BAZ2B: variants seen among roughly 807,000 people sequenced by gnomAD.
The protein encoded by BAZ2B is bromodomain adjacent to zinc finger domain 2B, also known as bromodomain adjacent to zinc finger domain protein 2B.
BAZ2B carries 91 observed loss-of-function variants against 246.0 expected under a neutral mutation model. That is an observed-to-expected ratio of 0.37 (90% CI 0.31 to 0.44). BAZ2B has a LOEUF of 0.44. Among genes scored for constraint, BAZ2B ranks in the 20% least tolerant of loss-of-function variants. The probability of loss-of-function intolerance (pLI) is 1.00; values close to 1 mark genes in which losing one functional copy is unlikely to be tolerated. For missense variants in BAZ2B, 2,332 were observed against 2,533.7 expected (o/e 0.92, Z 1.71); for synonymous variants, 855 against 860.0 (o/e 0.99, Z 0.10).
chr2:159,328,535 T>C (rs1440758370), intron 34 of BAZ2B, among the ~76,000 whole-genome samples: 1 of 152,182 alleles, frequency 6.6e-6, no homozygotes, highest in Non-Finnish European at 1.5e-5. Context: ...CCTTGAAATA[T>C]TAGTGGGTTC....
chr2:159,632,828 GA>G, the BAZ2B span, among the ~76,000 whole-genome samples: 42 of 152,274 alleles, frequency 2.8e-4, no homozygotes, highest in African/African-American at 8.7e-4. Context: ...CATCACTGAT[GA>G]AAAAGTAAAG....
chr2:159,608,165 A>G (rs1242321579), intron 1 of BAZ2B, among the ~76,000 whole-genome samples: 1 of 152,202 alleles, frequency 6.6e-6, no homozygotes, highest in East Asian at 1.9e-4. Flanking sequence ...GTTTGAGTCC[A>G]GGAGTTCAAG....
At chr2:159,510,770 T>G (rs939395822) in intron 2 of BAZ2B, among the ~76,000 whole-genome samples, 1 of 152,214 alleles carries the variant, frequency 6.6e-6, no homozygotes, top group Admixed American at 6.5e-5. Context: ...CTTCAGTGCT[T>G]GAAGATACTG....
At chr2:159,662,156 G>A in the BAZ2B span, among the ~76,000 whole-genome samples, 3 of 152,162 alleles carry the variant, frequency 2.0e-5, no homozygotes, top group African/African-American at 7.2e-5. Flanking sequence ...CATCTGCACT[G>A]TAGCATGCAC....
At chr2:159,337,124 G>A (rs369750269) in intron 32 of BAZ2B, 47 bp from the exon 33 acceptor site, 4 of 1,556,356 alleles carry the variant, frequency 2.6e-6, no homozygotes, top group Non-Finnish European at 2.6e-6. Context: ...CCACACTTAC[G>A]ATTACGGAAT....
At chr2:159,339,807 A>G (rs2066313236) in intron 31 of BAZ2B, among the ~76,000 whole-genome samples, 1 of 152,146 alleles carries the variant, frequency 6.6e-6, no homozygotes, top group African/African-American at 2.4e-5. Flanking sequence ...TGGGTGAAAT[A>G]AGCCAGATAC....
the BAZ2B span, among the ~76,000 whole-genome samples, chr2:159,659,579 C>T: frequency 1.3e-5 from 2 of 152,180 alleles, no homozygotes; most frequent in Non-Finnish European, 2.9e-5. Flanking sequence ...TTTTTATTCT[C>T]CACTTCTGAG....
chr2:159,556,149 A>G (rs1186071417), intron 1 of BAZ2B, among the ~76,000 whole-genome samples: 5 of 152,212 alleles, frequency 3.3e-5, no homozygotes, highest in African/African-American at 4.8e-5. Flanking sequence ...GCTGTAGGAC[A>G]TTTGGGTTAC....
In BAZ2B at chr2:159,594,703, C is replaced by A. The variant is rs190577992; in HGVS notation, c.-46+21539G>T. Among the ~76,000 whole-genome samples the A allele has an allele frequency of 4.4e-4, 67 of 151,748 alleles. No individual in the cohort carries two copies. The East Asian group carries it at 9.7e-3, about 22-fold the overall frequency. On this transcript the variant is annotated intron_variant, in intron 1 of 36. Coordinates refer to ENST00000392783, the MANE Select transcript of BAZ2B (RefSeq NM_013450.4). ...ATGGAGTGCAGTGGCGTGATTATGGCTTGCTGCAGCCTCCGCCTCACAGGC... is the reference window on the plus strand; with the variant it reads ...ATGGAGTGCAGTGGCGTGATTATGGATTGCTGCAGCCTCCGCCTCACAGGC...
intron 23 of BAZ2B, among the ~76,000 whole-genome samples, chr2:159,384,192 CTTCT>C: frequency 1.3e-5 from 2 of 152,028 alleles, no homozygotes; most frequent in Non-Finnish European, 2.9e-5. Context: ...TGCTTTTTCC[CTTCT>C]AAGGCAAAAA....
At chr2:159,504,740 G>C (rs1225636656) in intron 2 of BAZ2B, among the ~76,000 whole-genome samples, 1 of 152,038 alleles carries the variant, frequency 6.6e-6, no homozygotes, top group Non-Finnish European at 1.5e-5. Context: ...GACATATATT[G>C]GAATCTCATA....
intron 13 of BAZ2B, among the ~76,000 whole-genome samples, chr2:159,427,289 G>A (rs188923930): frequency 6.6e-5 from 10 of 152,180 alleles, no homozygotes; most frequent in Non-Finnish European, 1.5e-4. Context: ...AAAACATACA[G>A]GAAATGAGAT....
intron 13 of BAZ2B, among the ~76,000 whole-genome samples, chr2:159,416,145 G>A (rs1023141040): frequency 6.6e-5 from 10 of 152,008 alleles, no homozygotes; most frequent in African/African-American, 1.4e-4. Flanking sequence ...AGAAAAGACC[G>A]TCAGAAAAAA....
At chr2:159,316,419 G>A (rs1360971301), downstream of BAZ2B, among the ~76,000 whole-genome samples, 15 of 152,144 alleles carry the variant, frequency 9.9e-5, no homozygotes, top group African/African-American at 3.4e-4. Flanking sequence ...TTGGCCGGGC[G>A]CGGTGGCTCA....
intron 2 of BAZ2B, among the ~76,000 whole-genome samples, chr2:159,490,310 A>G (rs1171935334): frequency 6.6e-6 from 1 of 152,182 alleles, no homozygotes; most frequent in African/African-American, 2.4e-5. Flanking sequence ...AAATGGTCCA[A>G]TTATTTTAAA....
chr2:159,655,420 A>G, the BAZ2B span, among the ~76,000 whole-genome samples: 1 of 152,018 alleles, frequency 6.6e-6, no homozygotes, highest in East Asian at 1.9e-4. Context: ...AAAACAGCTG[A>G]TTTTTCTTGC....
chr2:159,686,208 T>C, the BAZ2B span, among the ~76,000 whole-genome samples: 828 of 152,204 alleles, frequency 5.4e-3, 10 homozygotes, highest in Admixed American at 0.023. Flanking sequence ...CAAGGCTACA[T>C]TGAGCTATGA....
chr2:159,438,618 G>T lies in BAZ2B; in HGVS notation c.978C>A (p.His326Gln), dbSNP rs969143524. The T allele has an allele frequency of 3.1e-6, 5 of 1,613,920 alleles. No individual in the cohort carries two copies. The African/African-American group carries it at 5.3e-5, about 17-fold the overall frequency. The change falls in exon 8 of 37, where the codon CAC (histidine) becomes CAA (glutamine). Residue 326 changes from histidine to glutamine, a missense_variant. Coordinates refer to ENST00000392783, the MANE Select transcript of BAZ2B (RefSeq NM_013450.4). ...ATTCAGACGCAAGAGGTAATGGCTG[G>T]TGTATTCTTTTTTCCTGGGCTTTTT... ...ATEKAQEKRI[H>Q]QPLPLASESQ... is the part of the protein sequence containing the mutation.
At chr2:159,662,442 T>C in the BAZ2B span, among the ~76,000 whole-genome samples, 1 of 152,216 alleles carries the variant, frequency 6.6e-6, no homozygotes, top group East Asian at 1.9e-4. Flanking sequence ...GCTGAACCAC[T>C]TTACATACCT....
Sources: allele counts gnomAD v4.1 joint callset (sites outside exome capture counted in the v4.1 genomes callset), GRCh38; gene constraint gnomAD v4.1.1; transcripts MANE v1.5; gene names NCBI Gene and HGNC (gene_info 2026-07-23, HGNC 2026-07-21).